The following NTNG1 variants were observed in gnomAD, a reference collection of about 807,000 sequenced individuals.
NTNG1 encodes netrin G1, also known as netrin-G1.
Under a neutral mutation model 54.0 loss-of-function variants are expected in NTNG1, and 16 were observed. That is an observed-to-expected ratio of 0.30 (90% CI 0.20 to 0.45). The LOEUF (loss-of-function observed/expected upper bound fraction) is 0.45. Among genes scored for constraint, NTNG1 ranks in the 20% least tolerant of loss-of-function variants. The pLI is 1.00. For synonymous variants in NTNG1, 255 were observed against 263.1 expected, an observed-to-expected ratio of 0.97 and a Z score of 0.30; for missense variants, 530 against 678.7, an observed-to-expected ratio of 0.78 and a Z score of 2.43.
At chr1:107,452,540 G>C (rs1384641589) in intron 7 of NTNG1, among the ~76,000 whole-genome samples, 1 of 152,116 alleles carries the variant, frequency 6.6e-6, no homozygotes. Flanking sequence ...TGGGTCATGG[G>C]GGTAGATCCC....
chr1:107,292,016 T>C (rs1557874317), intron 2 of NTNG1, among the ~76,000 whole-genome samples: 1 of 151,882 alleles, frequency 6.6e-6, no homozygotes, highest in Non-Finnish European at 1.5e-5. Flanking sequence ...AGGGCTTAAA[T>C]AAGAAATTTA....
At chr1:107,443,257 A>G (rs959552550) in intron 7 of NTNG1, among the ~76,000 whole-genome samples, 2 of 152,080 alleles carry the variant, frequency 1.3e-5, no homozygotes, top group Admixed American at 1.3e-4. Flanking sequence ...TCAGACTCTC[A>G]TACTTCCCAC....
intron 5 of NTNG1, chr1:107,410,360 GGGT>G (rs1261181046): frequency 6.6e-6 from 1 of 152,124 alleles, no homozygotes; most frequent in East Asian, 1.9e-4. Flanking sequence ...TGCATGGATA[GGGT>G]GGTCATCCTT....
intron 2 of NTNG1, among the ~76,000 whole-genome samples, chr1:107,180,838 T>C (rs1657007441): frequency 6.6e-6 from 1 of 152,202 alleles, no homozygotes. Flanking sequence ...ATTAGGATAA[T>C]GTGTGGTTAG....
At chr1:107,372,755 C>T (rs1475197879) in intron 3 of NTNG1, among the ~76,000 whole-genome samples, 3 of 152,038 alleles carry the variant, frequency 2.0e-5, no homozygotes, top group Non-Finnish European at 2.9e-5. Context: ...GGAAACACCT[C>T]GCCATCATTT....
chr1:107,320,443 G>A (rs972025377), intron 2 of NTNG1, among the ~76,000 whole-genome samples: 1 of 151,986 alleles, frequency 6.6e-6, no homozygotes, highest in Non-Finnish European at 1.5e-5. Flanking sequence ...TTTCATTGTT[G>A]ATGTTATTAA....
chr1:107,242,370 T>G (rs1425596647), intron 2 of NTNG1, among the ~76,000 whole-genome samples: 1 of 152,184 alleles, frequency 6.6e-6, no homozygotes, highest in African/African-American at 2.4e-5. Flanking sequence ...TCTCTTTCTA[T>G]ATATGCATAT....
chr1:107,295,640 A>G (rs2101781794), intron 2 of NTNG1, among the ~76,000 whole-genome samples: 1 of 152,312 alleles, frequency 6.6e-6, no homozygotes, highest in Non-Finnish European at 1.5e-5. Context: ...TTATTTATAC[A>G]TTAATAACAA....
intron 2 of NTNG1, among the ~76,000 whole-genome samples, chr1:107,252,542 G>T (rs1327358062): frequency 6.6e-6 from 1 of 152,110 alleles, no homozygotes; most frequent in Non-Finnish European, 1.5e-5. Context: ...CTGCTTCTGG[G>T]TTCTTTCCCT....
At chr1:107,431,000 G>T in intron 6 of NTNG1, 83 bp downstream of exon 6, 2 of 1,309,932 alleles carry the variant, frequency 1.5e-6, no homozygotes, top group Non-Finnish European at 1.1e-6. Context: ...CTGGCGATTT[G>T]CACCGCGGTT....
intron 2 of NTNG1, among the ~76,000 whole-genome samples, chr1:107,198,505 T>G (rs1488108410): frequency 6.6e-6 from 1 of 151,918 alleles, no homozygotes; most frequent in African/African-American, 2.4e-5. Context: ...ATCAAAGATT[T>G]TAATGCCCAT....
intron 2 of NTNG1, among the ~76,000 whole-genome samples, chr1:107,233,634 G>C (rs12082316): frequency 7.2e-5 from 11 of 152,116 alleles, no homozygotes; most frequent in Admixed American, 2.0e-4. Flanking sequence ...GTCTTTCACT[G>C]TTCCCCACAT....
chr1:107,352,795 A>G (rs778780031), intron 3 of NTNG1, among the ~76,000 whole-genome samples: 1 of 152,220 alleles, frequency 6.6e-6, no homozygotes, highest in African/African-American at 2.4e-5. Context: ...GCATTTTTAA[A>G]TAAGTTCTGT....
intron 3 of NTNG1, among the ~76,000 whole-genome samples, chr1:107,384,157 T>C (rs1351328164): frequency 1.3e-5 from 2 of 152,290 alleles, no homozygotes; most frequent in Non-Finnish European, 2.9e-5. Context: ...CTCAAACTTA[T>C]AAGCTCCTAT....
upstream of NTNG1, chr1:107,140,867 C>T (rs747357476): frequency 6.5e-6 from 1 of 152,698 alleles, no homozygotes; most frequent in Non-Finnish European, 1.5e-5. Context: ...CGAGGAGGCG[C>T]GGAGGAGAGC....
intron 7 of NTNG1, among the ~76,000 whole-genome samples, chr1:107,468,883 GT>G (rs1336962201): frequency 1.3e-5 from 2 of 152,216 alleles, no homozygotes; most frequent in Non-Finnish European, 2.9e-5. Flanking sequence ...GGATCATGAG[GT>G]CAGGAGTTTG....
chr1:107,413,026 T>G (rs1032384622), intron 5 of NTNG1, among the ~76,000 whole-genome samples: 1 of 152,162 alleles, frequency 6.6e-6, no homozygotes, highest in African/African-American at 2.4e-5. Context: ...GTGTTTCTGA[T>G]AGTAGGTAGT....
At chr1:107,181,964 GT>G (rs980180273) in intron 2 of NTNG1, among the ~76,000 whole-genome samples, 45 of 151,320 alleles carry the variant, frequency 3.0e-4, no homozygotes, top group African/African-American at 1.9e-4. Flanking sequence ...ATATTCCCCT[GT>G]TTTTTTTATA....
chr1:107,433,659 A>G (rs1390989649), intron 6 of NTNG1, among the ~76,000 whole-genome samples: 2 of 152,256 alleles, frequency 1.3e-5, no homozygotes, highest in African/African-American at 4.8e-5. Context: ...TCAAGAATGA[A>G]TAGAAAAATT....
Sources: gnomAD v4.1 joint callset for allele counts (sites outside exome capture counted in the v4.1 genomes callset) on GRCh38, gnomAD v4.1.1 for gene constraint, MANE v1.5 for transcripts, NCBI Gene and HGNC (gene_info 2026-07-23, HGNC 2026-07-21) for gene names.